Variants in SLC8A1 observed in about 807,000 individuals in gnomAD.
SLC8A1 encodes the protein sodium/calcium exchanger 1.
Under a neutral mutation model 68.3 loss-of-function variants are expected in SLC8A1, and 18 were observed. The observed-to-expected ratio is 0.26, with a 90% CI of 0.18 to 0.39. The LOEUF is 0.39. Among genes scored for constraint, SLC8A1 ranks in the 10% least tolerant of loss-of-function variants. The probability of loss-of-function intolerance (pLI) is 1.00; values close to 1 mark genes in which losing one functional copy is unlikely to be tolerated. For missense variants in SLC8A1, 985 were observed against 1,156.7 expected (o/e 0.85, Z 2.15); for synonymous variants, 475 against 415.5 (o/e 1.14, Z -1.74).
At chr2:40,293,486 A>G (rs1295631039) in intron 2 of SLC8A1, among the ~76,000 whole-genome samples, 1 of 152,202 alleles carries the variant, frequency 6.6e-6, no homozygotes, top group Non-Finnish European at 1.5e-5. Context: ...TAGTCACTGG[A>G]AGTTTCAATC....
At chr2:40,299,418 T>C (rs1452216918) in intron 2 of SLC8A1, among the ~76,000 whole-genome samples, 2 of 152,206 alleles carry the variant, frequency 1.3e-5, no homozygotes, top group African/African-American at 4.8e-5. Flanking sequence ...CTTTCCCTCA[T>C]GCTCTAATAG....
At chr2:40,109,373 C>A (rs1345876967) in exon 8 of SLC8A1, 2 of 152,116 alleles carry the variant, frequency 1.3e-5, no homozygotes, top group Non-Finnish European at 2.9e-5. Flanking sequence ...TCCACACCTA[C>A]ATATTGATAG....
intron 2 of SLC8A1, among the ~76,000 whole-genome samples, chr2:40,181,072 G>A (rs942544024): frequency 1.3e-5 from 2 of 152,078 alleles, no homozygotes; most frequent in Non-Finnish European, 2.9e-5. Context: ...CGATTCCCCT[G>A]CCTCAGCCTC....
At chr2:40,404,473 T>C (rs1452974585) in intron 2 of SLC8A1, among the ~76,000 whole-genome samples, 1 of 152,164 alleles carries the variant, frequency 6.6e-6, no homozygotes, top group Non-Finnish European at 1.5e-5. Context: ...AAATATATGG[T>C]TTTATGCAAC....
chr2:40,347,897 A>C (rs75171778), intron 2 of SLC8A1, among the ~76,000 whole-genome samples: 1 of 152,156 alleles, frequency 6.6e-6, no homozygotes, highest in East Asian at 1.9e-4. Context: ...AAAATAAAAC[A>C]ATGGCTTACG....
rs1575282609 is a variant in SLC8A1, at chr2:40,310,324, A to C, written c.1808+118149T>G. Among the ~76,000 whole-genome samples, 6 of 152,348 alleles carry C rather than the reference A, an allele frequency of 3.9e-5. No homozygotes were observed. The South Asian group carries it at 1.2e-3, about 32-fold the overall frequency. On this transcript the variant is annotated intron_variant, in intron 2 of 7. Transcript: ENST00000406785. ...GAAACCCAAGTAGTTGGGTTAACCC[A>C]GTGAGACATGAAAAACTGCCCAGAA... is the stretch of plus-strand genomic sequence containing the variant.
chr2:40,302,508 T>C (rs2071698739), intron 2 of SLC8A1, among the ~76,000 whole-genome samples: 1 of 149,782 alleles, frequency 6.7e-6, no homozygotes, highest in Non-Finnish European at 1.5e-5. Context: ...TATATGTGTG[T>C]GTATACATAT....
At chr2:40,317,041 G>C (rs2074550901) in intron 2 of SLC8A1, among the ~76,000 whole-genome samples, 1 of 152,012 alleles carries the variant, frequency 6.6e-6, no homozygotes, top group Non-Finnish European at 1.5e-5. Context: ...CTCAAAAATT[G>C]TGTTAAACTA....
At position 40,369,877 on chromosome 2, in the gene SLC8A1, C is replaced by CA. The variant is rs1345057128; in HGVS notation, c.1808+58595dup. Among the ~76,000 whole-genome samples the CA allele has an allele frequency of 1.4e-3, 100 of 69,586 alleles. 1 individual carries two copies. Among genetic ancestry groups the CA allele is most frequent in the African/African-American group, 1.1e-3 (7 of 6,158 alleles). 45.7% of individuals were successfully genotyped at this position (69,586 alleles called of 152,430 possible). The stretch of plus-strand genomic sequence containing the variant: ...TGCTGGTGTAGAAAAGAAAAAAAAC[C>CA]AAAAAAATAAAAAAACTGCTTAAAT... On this transcript the variant is annotated intron_variant, in intron 2 of 7. Coordinates refer to ENST00000406785, the Ensembl canonical transcript of SLC8A1.
chr2:40,265,151 G>T (rs1224924420), intron 2 of SLC8A1, among the ~76,000 whole-genome samples: 2 of 152,166 alleles, frequency 1.3e-5, no homozygotes, highest in Admixed American at 1.3e-4. Context: ...CCTGTATCCT[G>T]AATTAAGGAC....
rs2216010 is a variant in SLC8A1 at position 40,436,671 on chromosome 2, G to A, written c.-24-6367C>T. Among the ~76,000 whole-genome samples, 905 of 152,086 alleles carry A rather than the reference G, an allele frequency of 6.0e-3. 10 individuals carry two copies. Among genetic ancestry groups the A allele is most frequent in the African/African-American group, 0.021 (858 of 41,468 alleles). On this transcript the variant is annotated intron_variant, in intron 1 of 7. Coordinates refer to ENST00000406785, the Ensembl canonical transcript of SLC8A1. ...ATACAATTAAAAGACACATATTCAA[G>A]CACAACAAAAATCACCTTCATTGTA...
chr2:40,472,736 A>C (rs1704063526), intron 1 of SLC8A1, among the ~76,000 whole-genome samples: 1 of 152,140 alleles, frequency 6.6e-6, no homozygotes, highest in South Asian at 2.1e-4. Context: ...TAATAAACAT[A>C]ATAAAACTTT....
At chr2:40,322,501 TAAAAAAA>T (rs10708563) in intron 2 of SLC8A1, among the ~76,000 whole-genome samples, 8 of 97,324 alleles carry the variant, frequency 8.2e-5, no homozygotes, top group African/African-American at 2.7e-4. Context: ...TACAAAAGGT[TAAAAAAA>T]AAAAAAAAAA....
At chr2:40,422,042 A>G (rs565910609) in intron 2 of SLC8A1, among the ~76,000 whole-genome samples, 15 of 152,206 alleles carry the variant, frequency 9.9e-5, no homozygotes, top group African/African-American at 3.6e-4. Flanking sequence ...CAGCAGCTTG[A>G]GTCCTGCCTG....
At chr2:40,231,972 G>A (rs1262270713) in intron 2 of SLC8A1, among the ~76,000 whole-genome samples, 3 of 152,106 alleles carry the variant, frequency 2.0e-5, no homozygotes. Context: ...GAGCAAATAG[G>A]AATAAGATAC....
At chr2:40,380,241 G>A (rs536839927) in intron 2 of SLC8A1, among the ~76,000 whole-genome samples, 1 of 152,222 alleles carries the variant, frequency 6.6e-6, no homozygotes, top group Admixed American at 6.5e-5. Flanking sequence ...CCCAGGCCAT[G>A]CTGATAGACA....
At chr2:40,504,028 G>C (rs1199278895) in intron 1 of SLC8A1, among the ~76,000 whole-genome samples, 1 of 152,016 alleles carries the variant, frequency 6.6e-6, no homozygotes, top group Non-Finnish European at 1.5e-5. Context: ...CAAAACTGGA[G>C]GAATCACATT....
At chr2:40,171,592 A>C (rs1229532373) in intron 4 of SLC8A1, among the ~76,000 whole-genome samples, 1 of 152,216 alleles carries the variant, frequency 6.6e-6, no homozygotes, top group African/African-American at 2.4e-5. Flanking sequence ...TCAATGTATA[A>C]TTTCAAGATG....
intron 2 of SLC8A1, among the ~76,000 whole-genome samples, chr2:40,316,854 A>C (rs2074521798): frequency 6.6e-6 from 1 of 152,020 alleles, no homozygotes; most frequent in Non-Finnish European, 1.5e-5. Flanking sequence ...TCATAGGGAT[A>C]AAGGAAAGCA....
Sources: gnomAD v4.1 joint callset for allele counts (sites outside exome capture counted in the v4.1 genomes callset) on GRCh38, gnomAD v4.1.1 for gene constraint, MANE v1.5 for transcripts, NCBI Gene and HGNC (gene_info 2026-07-23, HGNC 2026-07-21) for gene names.